The following NNT variants were observed in gnomAD, a reference collection of about 807,000 sequenced individuals.
The protein encoded by NNT is nicotinamide nucleotide transhydrogenase, also known as NAD(P) transhydrogenase, mitochondrial.
Under a neutral mutation model 104.8 loss-of-function variants are expected in NNT, and 50 were observed. The ratio of observed to expected loss-of-function variants is 0.48; its 90% CI spans 0.38 to 0.60. NNT has a LOEUF of 0.60. Among genes scored for constraint, NNT ranks in the 20% least tolerant of loss-of-function variants. The probability of loss-of-function intolerance (pLI) is 0.00; values close to 1 mark genes in which losing one functional copy is unlikely to be tolerated. For synonymous variants in NNT, 461 were observed against 490.4 expected, an observed-to-expected ratio of 0.94 and a Z score of 0.79; for missense variants, 1,131 against 1,330.7, an observed-to-expected ratio of 0.85 and a Z score of 2.33.
intron 20 of NNT, among the ~76,000 whole-genome samples, chr5:43,701,927 A>T (rs1013265999): frequency 5.2e-4 from 79 of 152,006 alleles, no homozygotes; most frequent in Non-Finnish European, 4.3e-4. Context: ...AATATTTTTT[A>T]AAATTTTTTT....
At chr5:43,703,439 A>C (rs1485221103) in intron 21 of NNT, among the ~76,000 whole-genome samples, 1 of 152,210 alleles carries the variant, frequency 6.6e-6, no homozygotes, top group Non-Finnish European at 1.5e-5. Context: ...ATGAGTAGAC[A>C]TAAAATATAT....
Position 43,705,592 on chromosome 5 carries a change from G to A in NNT, c.*1188G>A, listed in dbSNP as rs981114928. 6.6e-6 allele frequency: 1 copy of A among 152,048 alleles called. No individual in the cohort carries two copies. The highest frequency in any genetic ancestry group is 2.4e-5 in the African/African-American group (1 of 41,416). The allele number at this position is 152,048 out of a possible 1,614,324, so 9.4% of individuals were successfully genotyped here. A position where few individuals can be genotyped will look rare whatever the true frequency, so the allele number is the denominator to read the frequency against. On this transcript the variant is annotated 3_prime_UTR_variant, in exon 22 of 22. Coordinates refer to ENST00000344920, the MANE Select transcript of NNT (RefSeq NM_182977.3). ...GATTATTTGTCTCTCTATATAATTA[G>A]TTTGGTACTAAGTTTCTCAAAAAAT...
chr5:43,652,908 A>G (rs1739838720), intron 13 of NNT, 110 bp from the exon 14 acceptor site: 3 of 752,526 alleles, frequency 4.0e-6, no homozygotes, highest in South Asian at 4.9e-5. Context: ...CAAATACAAT[A>G]TAAGTATTTA....
rs1245517310 is a variant in NNT at position 43,691,070 on chromosome 5, A to AGAGTGTGT, written c.2877-9048_2877-9047insAGTGTGTG. On this transcript the variant is annotated intron_variant, in intron 19 of 21. Coordinates refer to ENST00000344920, the MANE Select transcript of NNT (RefSeq NM_182977.3). ...AACTGATCCAGAATTTTTTTGAGAG[A>AGAGTGTGT]GTGTGTGTGTGTGTGTGTGTGTGTG... is the stretch of plus-strand genomic sequence containing the variant. Among the ~76,000 whole-genome samples the AGAGTGTGT allele has an allele frequency of 2.8e-3, 390 of 137,498 alleles. 1 individual carries two copies. Among genetic ancestry groups the AGAGTGTGT allele is most frequent in the Non-Finnish European group, 4.9e-3 (314 of 63,564 alleles). 90.2% of individuals were successfully genotyped at this position (137,498 alleles called of 152,430 possible). A position where few individuals can be genotyped will look rare whatever the true frequency, so the allele number is the denominator to read the frequency against.
intron 4 of NNT, among the ~76,000 whole-genome samples, chr5:43,618,218 G>A (rs986989104): frequency 2.0e-5 from 3 of 152,168 alleles, no homozygotes; most frequent in Admixed American, 6.5e-5. Context: ...GGCTTTATGC[G>A]AAGTGTTTCA....
At chr5:43,679,987 AAT>A (rs1404428475) in intron 19 of NNT, among the ~76,000 whole-genome samples, 17 of 151,916 alleles carry the variant, frequency 1.1e-4, no homozygotes, top group African/African-American at 4.1e-4. Flanking sequence ...TTAAAGGTAA[AAT>A]ATATTAATAT....
At chr5:43,637,344 G>A (rs1178189723) in intron 7 of NNT, among the ~76,000 whole-genome samples, 4 of 152,072 alleles carry the variant, frequency 2.6e-5, no homozygotes, top group African/African-American at 9.7e-5. Flanking sequence ...ATACATATAT[G>A]TATAAAAACC....
At position 43,699,413 on chromosome 5, in the gene NNT, G is replaced by A. The variant is rs1433986359; in HGVS notation, c.2877-706G>A. ...CTGTCACCCAGGCTGGAGTGCAGTG[G>A]CACAATCTTAGCTCACTGCAATCTC... On this transcript the variant is annotated intron_variant, in intron 19 of 21. Coordinates refer to ENST00000344920, the MANE Select transcript of NNT (RefSeq NM_182977.3). 7.4e-5 allele frequency among the ~76,000 whole-genome samples: 11 copies of A among 148,808 alleles called. No homozygotes were observed. In the East Asian group the frequency reaches 1.8e-3, roughly 24 times the overall value.
chr5:43,699,913 AC>A (rs1289859308), intron 19 of NNT, among the ~76,000 whole-genome samples: 1 of 152,238 alleles, frequency 6.6e-6, no homozygotes, highest in African/African-American at 2.4e-5. Context: ...TAGTTTCTGC[AC>A]ACTAAAATAC....
At chr5:43,670,485 T>C (rs34308364) in intron 17 of NNT, among the ~76,000 whole-genome samples, 4,268 of 152,318 alleles carry the variant, frequency 0.028, 87 homozygotes, top group South Asian at 0.054. Context: ...TGTTGTGTCT[T>C]TGTTCTCATT....
intron 17 of NNT, among the ~76,000 whole-genome samples, chr5:43,661,735 T>C (rs1740376738): frequency 6.6e-6 from 1 of 152,070 alleles, no homozygotes; most frequent in South Asian, 2.1e-4. Flanking sequence ...ACGAAGGACA[T>C]GAACTCATCA....
Position 43,624,029 on chromosome 5 carries a change from T to C in NNT, c.688-3T>C, listed in dbSNP as rs1215756210. 1.2e-6 allele frequency: 2 copies of C among 1,614,016 alleles called. No individual in the cohort carries two copies. Among genetic ancestry groups the C allele is most frequent in the Non-Finnish European group, 1.7e-6 (2 of 1,179,976 alleles). ...TTAACACATAACTGGGTCTGTCTTC[T>C]AGATTCTGATAGTTGGTGGTGGTGT... On this transcript the variant is annotated splice_polypyrimidine_tract_variant and splice_region_variant and intron_variant, in intron 5 of 21. Coordinates refer to ENST00000344920, the MANE Select transcript of NNT (RefSeq NM_182977.3).
chr5:43,634,978 T>G (rs1750859846), intron 7 of NNT, among the ~76,000 whole-genome samples: 1 of 152,210 alleles, frequency 6.6e-6, no homozygotes, highest in Non-Finnish European at 1.5e-5. Context: ...CCTTCCTGGC[T>G]TTCCCTGGGT....
intron 19 of NNT, among the ~76,000 whole-genome samples, chr5:43,684,387 T>C (rs1206396881): frequency 6.6e-6 from 1 of 152,166 alleles, no homozygotes; most frequent in African/African-American, 2.4e-5. Context: ...TTTTTTTCAC[T>C]ATGAATTATA....
intron 17 of NNT, among the ~76,000 whole-genome samples, chr5:43,664,535 G>T (rs1354970764): frequency 2.0e-5 from 3 of 152,132 alleles, no homozygotes; most frequent in African/African-American, 2.4e-5. Flanking sequence ...TTGGCTTTCA[G>T]ATTTATTTCT....
chr5:43,658,253 A>T (rs376886353), intron 16 of NNT, among the ~76,000 whole-genome samples: 8 of 152,380 alleles, frequency 5.3e-5, no homozygotes, highest in African/African-American at 1.9e-4. Flanking sequence ...TCTGACTAAG[A>T]CAAAGTATTT....
chr5:43,611,500 T>C (rs968528064), intron 2 of NNT, among the ~76,000 whole-genome samples: 5 of 152,328 alleles, frequency 3.3e-5, no homozygotes, highest in South Asian at 2.1e-4. Context: ...GTGTATGTGA[T>C]TGAGCTTTGT....
At chr5:43,688,861 C>G (rs1157819382) in intron 19 of NNT, among the ~76,000 whole-genome samples, 1 of 152,126 alleles carries the variant, frequency 6.6e-6, no homozygotes, top group Non-Finnish European at 1.5e-5. Context: ...AACGTGTGTG[C>G]AAATATCTTT....
intron 19 of NNT, among the ~76,000 whole-genome samples, chr5:43,688,543 C>G (rs777086192): frequency 1.6e-4 from 25 of 152,074 alleles, no homozygotes; most frequent in Non-Finnish European, 3.4e-4. Flanking sequence ...CCAATGTGTA[C>G]TCTTTTATCC....
Sources: allele counts gnomAD v4.1 joint callset (sites outside exome capture counted in the v4.1 genomes callset), GRCh38; gene constraint gnomAD v4.1.1; transcripts MANE v1.5; gene names NCBI Gene and HGNC (gene_info 2026-07-23, HGNC 2026-07-21).